The following INPP4B variants were observed in gnomAD, a reference collection of about 807,000 sequenced individuals.
The protein encoded by INPP4B is inositol polyphosphate 4-phosphatase type II.
INPP4B carries 55 observed loss-of-function variants against 122.5 expected under a neutral mutation model. The observed-to-expected ratio is 0.45, with a 90% CI of 0.36 to 0.56. INPP4B has a LOEUF of 0.56. Ranked by LOEUF, INPP4B falls within the 20% of genes least tolerant of loss-of-function variation. The probability of loss-of-function intolerance (pLI) is 0.00; values close to 1 mark genes in which losing one functional copy is unlikely to be tolerated. For synonymous variants in INPP4B, 403 were observed against 388.7 expected (o/e 1.04, Z -0.43); for missense variants, 1,000 against 1,097.7 (o/e 0.91, Z 1.26).
chr4:142,635,227 C>T (rs1208848791), intron 2 of INPP4B, among the ~76,000 whole-genome samples: 1 of 151,936 alleles, frequency 6.6e-6, no homozygotes, highest in Non-Finnish European at 1.5e-5. Flanking sequence ...GGAGAGGTTG[C>T]AGAGAAAAGG....
chr4:142,060,381 C>A (rs1316080797), intron 25 of INPP4B, among the ~76,000 whole-genome samples: 2 of 151,956 alleles, frequency 1.3e-5, no homozygotes, highest in Non-Finnish European at 2.9e-5. Context: ...ATCAAGTACC[C>A]CAGAAAAACT....
chr4:142,558,883 A>AG (rs1388701560), intron 2 of INPP4B, among the ~76,000 whole-genome samples: 2 of 151,040 alleles, frequency 1.3e-5, no homozygotes, highest in African/African-American at 4.9e-5. Context: ...TGTCAGGTGA[A>AG]GACTGAACAA....
At chr4:142,462,752 T>A (rs1243656128) in intron 2 of INPP4B, 26 bp from the exon 3 acceptor site, 2 of 152,136 alleles carry the variant, frequency 1.3e-5, no homozygotes, top group Non-Finnish European at 2.9e-5. Context: ...TGGAAAGAAG[T>A]CAGGATTTAG....
At chr4:142,665,790 AAATC>A (rs1755941649) in intron 2 of INPP4B, among the ~76,000 whole-genome samples, 1 of 152,170 alleles carries the variant, frequency 6.6e-6, no homozygotes, top group African/African-American at 2.4e-5. Flanking sequence ...TTTGCTTGAT[AAATC>A]AATATATAAG....
chr4:142,296,768 A>G (rs1758880597), intron 9 of INPP4B, among the ~76,000 whole-genome samples: 1 of 152,160 alleles, frequency 6.6e-6, no homozygotes, highest in Non-Finnish European at 1.5e-5. Context: ...CTAATCTCAC[A>G]TTTGCATGCT....
intron 1 of INPP4B, among the ~76,000 whole-genome samples, chr4:142,785,556 C>T (rs1380413884): frequency 6.6e-6 from 1 of 151,838 alleles, no homozygotes; most frequent in Non-Finnish European, 1.5e-5. Flanking sequence ...TCTTGATGGC[C>T]TGTAAGTAGA....
intron 11 of INPP4B, among the ~76,000 whole-genome samples, chr4:142,251,936 T>A (rs995392444): frequency 1.3e-5 from 2 of 152,176 alleles, no homozygotes; most frequent in African/African-American, 4.8e-5. Flanking sequence ...GAGTAAGGTA[T>A]TTTACTGTGA....
intron 2 of INPP4B, among the ~76,000 whole-genome samples, chr4:142,610,926 C>T (rs1486428378): frequency 6.6e-6 from 1 of 152,160 alleles, no homozygotes; most frequent in Non-Finnish European, 1.5e-5. Context: ...CAAAAGCTTT[C>T]TTGGACCACC....
intron 14 of INPP4B, among the ~76,000 whole-genome samples, chr4:142,196,875 A>G (rs1838459050): frequency 6.6e-6 from 1 of 152,096 alleles, no homozygotes; most frequent in Non-Finnish European, 1.5e-5. Context: ...TTGTAATCCC[A>G]GCACTTTGGG....
chr4:142,458,010 A>G (rs936031854), intron 3 of INPP4B, among the ~76,000 whole-genome samples: 1 of 152,210 alleles, frequency 6.6e-6, no homozygotes, highest in African/African-American at 2.4e-5. Context: ...AAACCTGGAC[A>G]CAGATGCTTT....
chr4:142,342,591 A>T (rs2151709195), intron 7 of INPP4B, among the ~76,000 whole-genome samples: 1 of 152,318 alleles, frequency 6.6e-6, no homozygotes, highest in East Asian at 1.9e-4. Flanking sequence ...ACCAGAAACA[A>T]GATTGCCTCT....
At chr4:142,393,086 CAA>C (rs1182687985) in intron 7 of INPP4B, among the ~76,000 whole-genome samples, 1 of 152,072 alleles carries the variant, frequency 6.6e-6, no homozygotes, top group Non-Finnish European at 1.5e-5. Flanking sequence ...ACTGGAATGA[CAA>C]GAGCTGAAAG....
intron 1 of INPP4B, among the ~76,000 whole-genome samples, chr4:142,731,720 G>C (rs1021554773): frequency 6.6e-6 from 1 of 152,066 alleles, no homozygotes. Context: ...GAAGCATTAG[G>C]ACTAGCAGAT....
At chr4:142,147,457 G>T (rs1402209651) in intron 17 of INPP4B, among the ~76,000 whole-genome samples, 1 of 152,136 alleles carries the variant, frequency 6.6e-6, no homozygotes, top group East Asian at 1.9e-4. Flanking sequence ...GTTAGCACAG[G>T]TAATTTTGGA....
chr4:142,413,584 G>A (rs1312292467), intron 5 of INPP4B, among the ~76,000 whole-genome samples: 1 of 152,116 alleles, frequency 6.6e-6, no homozygotes, highest in East Asian at 1.9e-4. Context: ...GTGAGGTGTG[G>A]CAGGAAGCAT....
At chr4:142,281,443 A>G (rs1187908182) in intron 9 of INPP4B, among the ~76,000 whole-genome samples, 1 of 151,902 alleles carries the variant, frequency 6.6e-6, no homozygotes, top group African/African-American at 2.4e-5. Context: ...CTTTCCATAG[A>G]TAACAGGTAT....
At chr4:142,169,614 T>A (rs192914659) in intron 16 of INPP4B, among the ~76,000 whole-genome samples, 1 of 151,820 alleles carries the variant, frequency 6.6e-6, no homozygotes. Flanking sequence ...GAGAACATTT[T>A]GGTATAGTAT....
chr4:142,160,277 G>T, intron 17 of INPP4B, 81 bp downstream of exon 17: 1 of 1,000,422 alleles, frequency 1.0e-6, no homozygotes, highest in Non-Finnish European at 1.4e-6. Context: ...TTTTTAAAAT[G>T]GAAAGCAGAG....
intron 2 of INPP4B, among the ~76,000 whole-genome samples, chr4:142,555,929 C>T (rs72726449): frequency 0.055 from 8,311 of 151,296 alleles, 281 homozygotes; most frequent in Admixed American, 0.063. Context: ...GCAGAAAGTG[C>T]ATGCTGTGTG....
Sources: allele counts gnomAD v4.1 joint callset (sites outside exome capture counted in the v4.1 genomes callset), GRCh38; gene constraint gnomAD v4.1.1; transcripts MANE v1.5; gene names NCBI Gene and HGNC (gene_info 2026-07-23, HGNC 2026-07-21).